The following STRAP variants were observed in gnomAD, a reference collection of about 807,000 sequenced individuals.
The protein encoded by STRAP is serine-threonine kinase receptor-associated protein.
A neutral mutation model predicts 47.0 loss-of-function variants in STRAP; 16 were observed. That is an observed-to-expected ratio of 0.34 (90% CI 0.23 to 0.52). The LOEUF (loss-of-function observed/expected upper bound fraction) is 0.52. STRAP is among the 20% of genes least tolerant of loss of function. STRAP has a pLI of 0.96. For missense variants in STRAP, 293 were observed against 420.0 expected, an observed-to-expected ratio of 0.70 and a Z score of 2.64; for synonymous variants, 130 against 142.7, an observed-to-expected ratio of 0.91 and a Z score of 0.63.
intron 4 of STRAP, 82 bp from the exon 5 acceptor site, chr12:15,893,965 T>A: frequency 1.7e-6 from 2 of 1,143,034 alleles, no homozygotes; most frequent in East Asian, 2.4e-5. Flanking sequence ...TGTGTGTTTT[T>A]AAAAATATAT....
rs113892841 is a variant in STRAP at position 15,894,407 on chromosome 12, C to T, written c.500+264C>T. Among the ~76,000 whole-genome samples the T allele has an allele frequency of 2.6e-4, 39 of 152,328 alleles. 1 individual carries two copies. Among genetic ancestry groups the T allele is most frequent in the African/African-American group, 8.4e-4 (35 of 41,582 alleles). On this transcript the variant is annotated intron_variant, in intron 5 of 9. Transcript: ENST00000419869. The surrounding 1 kb of genome is among the most constrained non-coding windows in gnomAD (Gnocchi z 4.9). Reference sequence around the variant, plus strand: ...CTGCGAGGCAGAGGTTGCGGTGAGTCGAGATCGTGCCATTGCACTCTAGCC... The same window carrying T: ...CTGCGAGGCAGAGGTTGCGGTGAGTTGAGATCGTGCCATTGCACTCTAGCC...
intron 9 of STRAP, 141 bp from the exon 10 acceptor site, chr12:15,902,773 CAGT>C: frequency 1.1e-6 from 1 of 909,766 alleles, no homozygotes; most frequent in Non-Finnish European, 1.5e-6. Context: ...GTGGCATGTG[CAGT>C]TGCTCTCTTC....
intron 2 of STRAP, among the ~76,000 whole-genome samples, chr12:15,889,499 T>C (rs533196413): frequency 2.2e-4 from 34 of 152,204 alleles, no homozygotes; most frequent in Middle Eastern, 3.4e-3. Context: ...TTTTTATTTA[T>C]TTTTATTTTT....
intron 6 of STRAP, among the ~76,000 whole-genome samples, chr12:15,897,559 T>C (rs576113412): frequency 6.6e-6 from 1 of 152,238 alleles, no homozygotes; most frequent in Non-Finnish European, 1.5e-5. Flanking sequence ...TGAAGTTTAT[T>C]TAAGAGCAAA....
chr12:15,886,653 G>T (rs945815590), intron 2 of STRAP, among the ~76,000 whole-genome samples: 36 of 152,104 alleles, frequency 2.4e-4, no homozygotes, highest in African/African-American at 8.5e-4. Flanking sequence ...GTTTTCATGT[G>T]CGTGTTTGTG....
At chr12:15,888,596 T>C (rs1289603504) in intron 2 of STRAP, among the ~76,000 whole-genome samples, 1 of 152,200 alleles carries the variant, frequency 6.6e-6, no homozygotes, top group African/African-American at 2.4e-5. Context: ...ACATTGCACA[T>C]GCTATTAATG....
chr12:15,902,882 T>C (rs1267650886), intron 9 of STRAP, 35 bp from the exon 10 acceptor site: 5 of 1,368,208 alleles, frequency 3.7e-6, no homozygotes, highest in African/African-American at 1.6e-5. Context: ...TTGACTAATG[T>C]GACTTTTTTT....
In STRAP at chr12:15,896,062, T is replaced by C. The variant is rs910736412; in HGVS notation, c.638+566T>C. Among the ~76,000 whole-genome samples the C allele has an allele frequency of 6.6e-6, 1 of 150,632 alleles. No homozygotes were observed. The highest frequency in any genetic ancestry group is 1.5e-5 in the Non-Finnish European group (1 of 67,664). On this transcript the variant is annotated intron_variant, in intron 6 of 9. Coordinates refer to ENST00000419869, the MANE Select transcript of STRAP (RefSeq NM_007178.4). The surrounding 1 kb of genome is among the most constrained non-coding windows in gnomAD (Gnocchi z 4.1). ...ACATGGTGAAACCCCGTCTCTAAAA[T>C]AAAAATACAAAGAGAAGAAAAATTA...
intron 2 of STRAP, among the ~76,000 whole-genome samples, chr12:15,889,191 A>G (rs902133237): frequency 2.6e-5 from 4 of 152,088 alleles, no homozygotes; most frequent in Admixed American, 1.3e-4. Flanking sequence ...TTGCTCAACT[A>G]TTACCCGCCC....
chr12:15,887,689 A>G lies in STRAP; in HGVS notation c.249-2239A>G, dbSNP rs1204114504. On this transcript the variant is annotated intron_variant, in intron 2 of 9. Transcript: ENST00000419869. This position sits in a 1 kb window ranked among gnomAD's most constrained non-coding sequence, Gnocchi z 5.5. ...ACTCCAACTCTCTTCTCACCTTTGA[A>G]TAGACACAGTCTAAGCAGAATCTTA... 1.3e-5 allele frequency among the ~76,000 whole-genome samples: 2 copies of G among 152,208 alleles called. No individual in the cohort carries two copies. The highest frequency in any genetic ancestry group is 4.8e-5 in the African/African-American group (2 of 41,446).
At position 15,887,490 on chromosome 12, in the gene STRAP, T is replaced by A. The variant is rs1468864467; in HGVS notation, c.249-2438T>A. Among the ~76,000 whole-genome samples the A allele has an allele frequency of 6.6e-6, 1 of 152,190 alleles. No individual in the cohort carries two copies. The highest frequency in any genetic ancestry group is 2.4e-5 in the African/African-American group (1 of 41,438). ...CTTGCCTGGAGATTGAATAATACAT[T>A]AGGAAACATTTAGATTAGATCCATT... On this transcript the variant is annotated intron_variant, in intron 2 of 9. Coordinates refer to ENST00000419869, the MANE Select transcript of STRAP (RefSeq NM_007178.4). The surrounding 1 kb of genome is among the most constrained non-coding windows in gnomAD (Gnocchi z 5.5).
At chr12:15,889,486 G>GT (rs1487232228) in intron 2 of STRAP, among the ~76,000 whole-genome samples, 5 of 152,070 alleles carry the variant, frequency 3.3e-5, no homozygotes, top group East Asian at 1.9e-4. Flanking sequence ...AGGATTTCTG[G>GT]TTTTTTTATT....
At chr12:15,885,859 C>A (rs1947966328) in intron 2 of STRAP, among the ~76,000 whole-genome samples, 1 of 152,068 alleles carries the variant, frequency 6.6e-6, no homozygotes, top group African/African-American at 2.4e-5. Flanking sequence ...CGAATACTTA[C>A]AACATTGCCT....
In STRAP at chr12:15,896,649, T is replaced by C. The variant is rs1484768488; in HGVS notation, c.638+1153T>C. Among the ~76,000 whole-genome samples, 2 of 152,214 alleles carry C rather than the reference T, an allele frequency of 1.3e-5. No homozygotes were observed. The highest frequency in any genetic ancestry group is 4.8e-5 in the African/African-American group (2 of 41,458). ...GAAAACATTTTTACTTGATACACTG[T>C]ATTTGCATCATAGGTTGTACTAAAT... is the stretch of plus-strand genomic sequence containing the variant. On this transcript the variant is annotated intron_variant, in intron 6 of 9. Coordinates refer to ENST00000419869, the MANE Select transcript of STRAP (RefSeq NM_007178.4). This position sits in a 1 kb window ranked among gnomAD's most constrained non-coding sequence, Gnocchi z 4.1.
chr12:15,889,485 G>A (rs1383172437), intron 2 of STRAP, among the ~76,000 whole-genome samples: 2 of 151,926 alleles, frequency 1.3e-5, no homozygotes, highest in East Asian at 3.9e-4. Flanking sequence ...AAGGATTTCT[G>A]GTTTTTTTAT....
rs1948119286 is a variant in STRAP, at chr12:15,903,218, T to C, written c.*240T>C. On this transcript the variant is annotated 3_prime_UTR_variant, in exon 10 of 10. Transcript: ENST00000419869. The stretch of plus-strand genomic sequence containing the variant: ...ATAGTACAGTGGCCTGTTATCTTTT[T>C]AATGAATATATACAAGCCAACATCC... 1 of 343,678 alleles carries C rather than the reference T, an allele frequency of 2.9e-6. No individual in the cohort carries two copies. Among genetic ancestry groups the C allele is most frequent in the Non-Finnish European group, 5.2e-6 (1 of 193,648 alleles). The allele number at this position is 343,678 out of a possible 1,614,324, so 21.3% of individuals were successfully genotyped here. A position where few individuals can be genotyped will look rare whatever the true frequency, so the allele number is the denominator to read the frequency against.
At chr12:15,897,819 A>G in intron 6 of STRAP, 63 bp from the exon 7 acceptor site, 1 of 1,244,724 alleles carries the variant, frequency 8.0e-7, no homozygotes, top group Non-Finnish European at 1.1e-6. Flanking sequence ...AGAACAGTTC[A>G]AATGTAACTC....
At position 15,903,114 on chromosome 12, in the gene STRAP, C is replaced by A; in HGVS notation, c.*136C>A. On this transcript the variant is annotated 3_prime_UTR_variant, in exon 10 of 10. Coordinates refer to ENST00000419869, the MANE Select transcript of STRAP (RefSeq NM_007178.4). The stretch of plus-strand genomic sequence containing the variant: ...TGAGGAAAATGAATTAGCTCCAGTG[C>A]TGGAACAACTAACTAACTTGGTGTT... The A allele has an allele frequency of 2.2e-6, 2 of 926,388 alleles. No homozygotes were observed. The highest frequency in any genetic ancestry group is 3.0e-6 in the Non-Finnish European group (2 of 665,554). The allele number at this position is 926,388 out of a possible 1,614,324, so 57.4% of individuals were successfully genotyped here.
In STRAP at chr12:15,903,025, A is replaced by G. The variant is rs772648224; in HGVS notation, c.*47A>G. On this transcript the variant is annotated 3_prime_UTR_variant, in exon 10 of 10. Transcript: ENST00000419869. The stretch of plus-strand genomic sequence containing the variant: ...AGTATACAACTGACTAAAACAAGCA[A>G]GCAGAGAAAAGCATCAGCCTTCCAG... The G allele has an allele frequency of 6.9e-7, 1 of 1,454,692 alleles. No homozygotes were observed. The highest frequency in any genetic ancestry group is 9.1e-7 in the Non-Finnish European group (1 of 1,103,244). 90.1% of individuals were successfully genotyped at this position (1,454,692 alleles called of 1,614,324 possible). A position where few individuals can be genotyped will look rare whatever the true frequency, so the allele number is the denominator to read the frequency against.
Sources: allele counts gnomAD v4.1 joint callset (sites outside exome capture counted in the v4.1 genomes callset), GRCh38; gene constraint gnomAD v4.1.1; non-coding constraint Gnocchi (gnomAD v3.1); transcripts MANE v1.5; gene names NCBI Gene and HGNC (gene_info 2026-07-23, HGNC 2026-07-21).